The following ASB2 variants were observed in gnomAD, a reference collection of about 807,000 sequenced individuals.
The protein encoded by ASB2 is ankyrin repeat and SOCS box protein 2.
A neutral mutation model predicts 62.4 loss-of-function variants in ASB2; 58 were observed. That is an observed-to-expected ratio of 0.93 (90% CI 0.75 to 1.16). ASB2 has a LOEUF of 1.16. Ranked by LOEUF, ASB2 falls within the 50% of genes most tolerant of loss-of-function variation. ASB2 has a pLI of 0.00. For synonymous variants in ASB2, 386 were observed against 385.3 expected (o/e 1.00, Z -0.02); for missense variants, 928 against 887.9 (o/e 1.05, Z -0.57).
chr14:93,959,526 C>G (rs1889337026), intron 2 of ASB2, among the ~76,000 whole-genome samples: 1 of 152,206 alleles, frequency 6.6e-6, no homozygotes, highest in Admixed American at 6.5e-5. Context: ...CAGGGGAATT[C>G]CCAACAGAGC....
chr14:93,943,980 G>A (rs766934110), intron 7 of ASB2: 1 of 455,940 alleles, frequency 2.2e-6, no homozygotes, highest in African/African-American at 2.0e-5. Context: ...AAAAACGAGG[G>A]AGGCAGAAGT....
At chr14:93,965,861 G>T (rs1306108778) in intron 1 of ASB2, among the ~76,000 whole-genome samples, 2 of 152,198 alleles carry the variant, frequency 1.3e-5, no homozygotes, top group African/African-American at 4.8e-5. Flanking sequence ...GTTTGCTCTT[G>T]CTCCTCTGCC....
intron 3 of ASB2, 148 bp downstream of exon 3, chr14:93,956,618 G>A (rs1054635006): frequency 3.7e-6 from 4 of 1,066,844 alleles, no homozygotes; most frequent in East Asian, 2.6e-5. Flanking sequence ...GGCCCCAGGG[G>A]GGCACCCCTA....
intron 1 of ASB2, among the ~76,000 whole-genome samples, chr14:93,970,474 G>T (rs1447045664): frequency 6.6e-6 from 1 of 152,024 alleles, no homozygotes; most frequent in Non-Finnish European, 1.5e-5. Context: ...GCCTCCAAGG[G>T]CCCCCTTCAC....
chr14:93,935,377 C>T (rs1001143417), intron 9 of ASB2, among the ~76,000 whole-genome samples: 3 of 152,180 alleles, frequency 2.0e-5, no homozygotes, highest in Non-Finnish European at 2.9e-5. Flanking sequence ...CAGGGATGAA[C>T]GCATCCAGTA....
chr14:93,943,535 T>A (rs559835758), intron 7 of ASB2, among the ~76,000 whole-genome samples: 13 of 152,270 alleles, frequency 8.5e-5, no homozygotes, highest in African/African-American at 2.9e-4. Flanking sequence ...TCCCAGCTAC[T>A]TGGGAGGCTG....
intron 1 of ASB2, among the ~76,000 whole-genome samples, chr14:93,972,724 G>A (rs934396106): frequency 2.0e-5 from 3 of 152,202 alleles, no homozygotes; most frequent in African/African-American, 7.2e-5. Context: ...TAAGGAAGGG[G>A]GGATGGAATC....
chr14:93,951,951 C>T (rs758338144), intron 5 of ASB2, among the ~76,000 whole-genome samples: 7 of 152,192 alleles, frequency 4.6e-5, no homozygotes, highest in Non-Finnish European at 1.0e-4. Context: ...TGGCTCTGGC[C>T]CCAGAGTTCT....
At chr14:93,958,769 G>A (rs576037339) in intron 2 of ASB2, among the ~76,000 whole-genome samples, 36 of 152,306 alleles carry the variant, frequency 2.4e-4, no homozygotes, top group Admixed American at 9.1e-4. Flanking sequence ...CAGCCCTGTC[G>A]TCTTGATGAG....
intron 9 of ASB2, 116 bp downstream of exon 9, chr14:93,937,582 G>A: frequency 9.3e-7 from 1 of 1,072,546 alleles, no homozygotes; most frequent in Non-Finnish European, 1.3e-6. Context: ...AGGAGTTACA[G>A]AGCCTGGCAA....
Position 93,939,396 on chromosome 14 carries a change from G to T in ASB2, c.1329C>A (p.Ser443Arg), listed in dbSNP as rs1357409107. 6.2e-7 allele frequency: 1 copy of T among 1,612,938 alleles called. No individual in the cohort carries two copies. Among genetic ancestry groups the T allele is most frequent in the East Asian group, 2.2e-5 (1 of 44,868 alleles). The change falls in exon 8 of 10, where the codon AGC becomes AGA. Residue 443 changes from serine (S) to arginine (R), a missense_variant. Coordinates refer to ENST00000555019, the MANE Select transcript of ASB2 (RefSeq NM_001202429.2). ...CGTGGCGGATGGCCACGAGCAAGGGGCTGATGACGTCGCGGTTGGGGTCGG... is the reference window on the plus strand; with the variant it reads ...CGTGGCGGATGGCCACGAGCAAGGGTCTGATGACGTCGCGGTTGGGGTCGG... The part of the protein sequence containing the change: ...HGADPNRDVI[S>R]PLLVAIRHGC...
chr14:93,956,676 G>A, intron 3 of ASB2, 90 bp downstream of exon 3: 4 of 1,545,820 alleles, frequency 2.6e-6, no homozygotes, highest in East Asian at 2.2e-5. Context: ...CTGCCCTCCT[G>A]GGGGCTGTGG....
intron 2 of ASB2, among the ~76,000 whole-genome samples, chr14:93,958,258 T>G (rs898589471): frequency 2.6e-5 from 4 of 152,214 alleles, no homozygotes; most frequent in African/African-American, 9.6e-5. Flanking sequence ...GTGTCCTCAT[T>G]TATCCACATC....
At chr14:93,960,344 G>A (rs944588849) in intron 2 of ASB2, among the ~76,000 whole-genome samples, 9 of 152,188 alleles carry the variant, frequency 5.9e-5, no homozygotes, top group South Asian at 2.1e-4. Flanking sequence ...TGATCTTAGG[G>A]AGAGCAGGAC....
intron 2 of ASB2, chr14:93,957,203 G>A (rs1325319096): frequency 1.5e-6 from 2 of 1,302,252 alleles, no homozygotes; most frequent in Non-Finnish European, 1.9e-6. Flanking sequence ...TCTTCACCCA[G>A]GAGGATGTGA....
intron 6 of ASB2, among the ~76,000 whole-genome samples, chr14:93,948,957 A>C (rs777522367): frequency 2.0e-4 from 30 of 152,210 alleles, no homozygotes; most frequent in Non-Finnish European, 3.5e-4. Context: ...AAAACAAAAC[A>C]AAACCCAGAA....
At chr14:93,935,315 C>A (rs1336262440) in intron 9 of ASB2, among the ~76,000 whole-genome samples, 1 of 152,256 alleles carries the variant, frequency 6.6e-6, no homozygotes, top group Non-Finnish European at 1.5e-5. Context: ...CTGCCTCCCC[C>A]AGGAGCCACG....
At chr14:93,952,610 C>T (rs547859616) in intron 5 of ASB2, among the ~76,000 whole-genome samples, 1 of 152,324 alleles carries the variant, frequency 6.6e-6, no homozygotes, top group South Asian at 2.1e-4. Flanking sequence ...TGACATCCAC[C>T]TCCCTGAGTT....
rs377182233 is a variant in ASB2, at chr14:93,950,976, C to T, written c.880+23G>A. 7 of 1,604,886 alleles carry T rather than the reference C, an allele frequency of 4.4e-6. No individual in the cohort carries two copies. In the African/African-American group the frequency reaches 6.7e-5, roughly 15 times the overall value. ...CGTGTGCCCTTTGGGGACTCCATGACCTAGGGACCCTTAGCCACTCACCGT... is the reference window on the plus strand; with the variant it reads ...CGTGTGCCCTTTGGGGACTCCATGATCTAGGGACCCTTAGCCACTCACCGT... On this transcript the variant is annotated intron_variant, in intron 6 of 9. Coordinates refer to ENST00000555019, the MANE Select transcript of ASB2 (RefSeq NM_001202429.2).
Sources: allele counts gnomAD v4.1 joint callset (sites outside exome capture counted in the v4.1 genomes callset), GRCh38; gene constraint gnomAD v4.1.1; transcripts MANE v1.5; gene names NCBI Gene and HGNC (gene_info 2026-07-23, HGNC 2026-07-21).